The following CAPRIN2 variants were observed in gnomAD, a reference collection of about 807,000 sequenced individuals.
CAPRIN2 encodes the protein caprin family member 2.
In CAPRIN2, 66 loss-of-function variants were observed where a neutral mutation model predicts 130.4. The ratio of observed to expected loss-of-function variants is 0.51; its 90% confidence interval spans 0.42 to 0.62. The LOEUF (loss-of-function observed/expected upper bound fraction) is 0.62, where lower values mean the gene tolerates loss of function less well. CAPRIN2 is among the 20% of genes least tolerant of loss of function. CAPRIN2 has a pLI of 0.00. For missense variants in CAPRIN2, 1,185 were observed against 1,246.6 expected (o/e 0.95, Z 0.74); for synonymous variants, 471 against 444.1 (o/e 1.06, Z -0.76).
intron 3 of CAPRIN2, among the ~76,000 whole-genome samples, chr12:30,736,212 A>G (rs886947909): frequency 7.2e-5 from 11 of 152,080 alleles, no homozygotes; most frequent in African/African-American, 2.4e-4. Flanking sequence ...GATCTGCTCT[A>G]AAGCTTAGAA....
At chr12:30,753,841 G>T in exon 1 of CAPRIN2, 1 of 1,424,790 alleles carries the variant, frequency 7.0e-7, no homozygotes, top group Non-Finnish European at 9.4e-7. Context: ...TACGGAGGAT[G>T]TTTCCAGAAA....
Position 30,728,526 on chromosome 12 carries a change from G to A in CAPRIN2, c.1782+122C>T, listed in dbSNP as rs113477364. The A allele has an allele frequency of 4.5e-3, 3,508 of 781,260 alleles. 87 individuals carry two copies. The African/African-American group carries it at 0.058, about 13-fold the overall frequency. 48.4% of individuals were successfully genotyped at this position (781,260 alleles called of 1,614,324 possible). On this transcript the variant is annotated intron_variant, in intron 8 of 16. Coordinates refer to ENST00000298892, the Ensembl canonical transcript of CAPRIN2. ...GCAGAGATAGTGCCACTGCACTCCA[G>A]CCTGGGTAACAGAGTGTTTCTCCAT...
chr12:30,715,318 T>A, intron 13 of CAPRIN2, 177 bp from the exon 16 acceptor site: 1 of 656,882 alleles, frequency 1.5e-6, no homozygotes, highest in Non-Finnish European at 2.7e-6. Context: ...TTCATATATA[T>A]AATGGAATAT....
At chr12:30,721,246 A>C (rs2059324385) in intron 11 of CAPRIN2, among the ~76,000 whole-genome samples, 1 of 152,142 alleles carries the variant, frequency 6.6e-6, no homozygotes, top group Admixed American at 6.5e-5. Context: ...AAAACTACAC[A>C]TCTCATCCCA....
At chr12:30,731,757 T>C (rs2062771910) in intron 5 of CAPRIN2, among the ~76,000 whole-genome samples, 2 of 152,106 alleles carry the variant, frequency 1.3e-5, no homozygotes, top group African/African-American at 4.8e-5. Flanking sequence ...TGAATTTTAA[T>C]GAGATCAGAA....
intron 11 of CAPRIN2, among the ~76,000 whole-genome samples, chr12:30,721,613 G>T (rs895870395): frequency 2.0e-5 from 3 of 152,182 alleles, no homozygotes; most frequent in African/African-American, 7.2e-5. Context: ...ACAGCAGAGA[G>T]ACACCCATAA....
intron 8 of CAPRIN2, among the ~76,000 whole-genome samples, chr12:30,726,978 T>C (rs2061127413): frequency 6.7e-6 from 1 of 149,144 alleles, no homozygotes; most frequent in African/African-American, 2.6e-5. Flanking sequence ...TCTCAGTAAC[T>C]GAAAAACCCT....
At chr12:30,741,621 A>C (rs2139115671) in intron 2 of CAPRIN2, among the ~76,000 whole-genome samples, 1 of 152,114 alleles carries the variant, frequency 6.6e-6, no homozygotes, top group South Asian at 2.1e-4. Flanking sequence ...TTTTTTTTAA[A>C]GATTTCCCAG....
At chr12:30,720,731 A>C in intron 12 of CAPRIN2, 80 bp downstream of exon 13, 1 of 818,868 alleles carries the variant, frequency 1.2e-6, no homozygotes, top group Non-Finnish European at 2.1e-6. Context: ...CATTCAACTA[A>C]TCATGCCTGT....
At chr12:30,736,692 T>C (rs1296307383) in intron 3 of CAPRIN2, among the ~76,000 whole-genome samples, 1 of 152,172 alleles carries the variant, frequency 6.6e-6, no homozygotes, top group African/African-American at 2.4e-5. Context: ...GCAAGCACAT[T>C]TTCTCAGATG....
intron 13 of CAPRIN2, chr12:30,715,389 G>C (rs1205378211): frequency 1.7e-6 from 1 of 585,076 alleles, no homozygotes; most frequent in Non-Finnish European, 3.2e-6. Context: ...GAACCCTTAA[G>C]ACATGCCAAG....
In CAPRIN2 at chr12:30,710,284, G is replaced by A; in HGVS notation, c.2852C>T (p.Ser951Leu). The change falls in exon 17 of 17, where the codon TCA becomes TTA. Residue 951 changes from serine to leucine, a missense_variant. Around this residue, in one of 2 missense-constraint regions of CAPRIN2, gnomAD observed 1,104 missense variants for 1,104.3 expected, o/e 1.00. Coordinates refer to ENST00000298892, the Ensembl canonical transcript of CAPRIN2. This position sits in a 1 kb window ranked among gnomAD's most constrained non-coding sequence, Gnocchi z 4.8. ...GGCCAGATTAGAGGTTCTGGCTGCTGAGAAGGCAACTCGCATCTGCTGAGG... is the reference window on the plus strand; with the variant it reads ...GGCCAGATTAGAGGTTCTGGCTGCTAAGAAGGCAACTCGCATCTGCTGAGG... 6.2e-7 allele frequency: 1 copy of A among 1,614,196 alleles called. No homozygotes were observed. Among genetic ancestry groups the A allele is most frequent in the Non-Finnish European group, 8.5e-7 (1 of 1,180,044 alleles).
intron 6 of CAPRIN2, 47 bp downstream of exon 7, chr12:30,731,296 A>C (rs747974315): frequency 1.3e-6 from 2 of 1,506,742 alleles, no homozygotes; most frequent in South Asian, 2.4e-5. Context: ...CATTTGGGGT[A>C]TTAAAAAATG....
intron 12 of CAPRIN2, 132 bp downstream of exon 14, chr12:30,718,947 T>C: frequency 3.8e-6 from 4 of 1,039,980 alleles, no homozygotes; most frequent in Non-Finnish European, 4.2e-6. Context: ...ATTGGCCAAA[T>C]ATAATTCTAC....
intron 3 of CAPRIN2, 117 bp downstream of exon 4, chr12:30,740,903 C>T: frequency 1.6e-6 from 1 of 640,160 alleles, no homozygotes; most frequent in South Asian, 2.2e-5. Context: ...GATAAAATAT[C>T]AGCAGAAATT....
intron 14 of CAPRIN2, 116 bp from the exon 17 acceptor site, chr12:30,714,001 T>C: frequency 1.9e-6 from 1 of 534,456 alleles, no homozygotes; most frequent in Non-Finnish European, 3.3e-6. Context: ...ATCATTAGAC[T>C]TATGCCCTCT....
upstream of CAPRIN2, chr12:30,754,615 A>C (rs1477724337): frequency 6.6e-6 from 1 of 151,960 alleles, no homozygotes; most frequent in Non-Finnish European, 1.5e-5. Flanking sequence ...GGCCCTCGGG[A>C]GCCCCGCCCC....
At chr12:30,716,290 T>C in intron 13 of CAPRIN2, 1 of 455,876 alleles carries the variant, frequency 2.2e-6, no homozygotes. Context: ...GTTAAATCCG[T>C]CATCTAAGTT....
chr12:30,719,272 A>C (rs1037100400), intron 12 of CAPRIN2, 47 bp from the exon 14 acceptor site: 6 of 1,605,814 alleles, frequency 3.7e-6, no homozygotes, highest in Non-Finnish European at 5.1e-6. Context: ...CCATATAACA[A>C]GCAGTTAACT....
Sources: gnomAD v4.1 joint callset for allele counts (sites outside exome capture counted in the v4.1 genomes callset) on GRCh38, gnomAD v4.1.1 for gene constraint, gnomAD v4.1.1 regional missense constraint, Gnocchi (gnomAD v3.1) non-coding constraint, MANE v1.5 for transcripts, NCBI Gene and HGNC (gene_info 2026-07-23, HGNC 2026-07-21) for gene names.